The following RORA variants were observed in gnomAD, a reference collection of about 807,000 sequenced individuals.
The protein encoded by RORA is RAR related orphan receptor A.
In RORA, 7 loss-of-function variants were observed where a neutral mutation model predicts 69.5. The ratio of observed to expected loss-of-function variants is 0.10; its 90% CI spans 0.06 to 0.19. The LOEUF (loss-of-function observed/expected upper bound fraction) is 0.19. RORA is among the 10% of genes least tolerant of loss of function. The pLI is 1.00. For missense variants in RORA, 457 were observed against 663.0 expected (o/e 0.69, Z 3.41); for synonymous variants, 261 against 240.8 (o/e 1.08, Z -0.78).
chr15:60,847,839 C>A (rs2056843375), intron 1 of RORA: 1 of 152,226 alleles, frequency 6.6e-6, no homozygotes. Flanking sequence ...AACATCTAAA[C>A]TGACAAATCT....
rs144683989 is a variant in RORA at position 60,758,710 on chromosome 15, C to T, written c.167-80024G>A. 3.5e-3 allele frequency among the ~76,000 whole-genome samples: 527 copies of T among 152,224 alleles called. 3 individuals carry two copies. Among genetic ancestry groups the T allele is most frequent in the African/African-American group, 0.012 (488 of 41,546 alleles). On this transcript the variant is annotated intron_variant, in intron 1 of 10. Coordinates refer to ENST00000335670, the MANE Select transcript of RORA (RefSeq NM_134261.3). ...GTCTCTCTCATTTTTTCCCTGCCAT[C>T]GGTACATAAGAAAAGAATACTTTCT...
At chr15:60,873,650 A>T (rs182712896) in intron 1 of RORA, among the ~76,000 whole-genome samples, 31 of 152,278 alleles carry the variant, frequency 2.0e-4, no homozygotes, top group Admixed American at 3.3e-4. Context: ...GACTATACAA[A>T]CTTAGGGGGG....
intron 1 of RORA, among the ~76,000 whole-genome samples, chr15:61,030,438 T>C (rs541777611): frequency 6.6e-6 from 1 of 152,296 alleles, no homozygotes; most frequent in South Asian, 2.1e-4. Flanking sequence ...GAAAATTAAG[T>C]TTATCTGTAC....
chr15:60,929,756 AGT>A (rs1331915433), intron 1 of RORA, among the ~76,000 whole-genome samples: 1 of 152,138 alleles, frequency 6.6e-6, no homozygotes, highest in Non-Finnish European at 1.5e-5. Flanking sequence ...CTCATCCTGA[AGT>A]GTGAGTTTGC....
intron 2 of RORA, among the ~76,000 whole-genome samples, chr15:60,579,574 A>G (rs1377712710): frequency 1.3e-5 from 2 of 152,240 alleles, no homozygotes; most frequent in Non-Finnish European, 2.9e-5. Flanking sequence ...AAAACTAGCT[A>G]TTCTAACATG....
At chr15:61,066,507 A>G (rs1338955350) in intron 1 of RORA, among the ~76,000 whole-genome samples, 1 of 146,070 alleles carries the variant, frequency 6.8e-6, no homozygotes, top group African/African-American at 2.6e-5. Context: ...GCTCACTGCA[A>G]CCTCCACCTC....
chr15:60,581,255 G>A (rs944008160), intron 2 of RORA, among the ~76,000 whole-genome samples: 9 of 152,108 alleles, frequency 5.9e-5, no homozygotes, highest in Admixed American at 3.9e-4. Flanking sequence ...AGCAGCAGGG[G>A]GCTTAGAAAG....
At chr15:61,011,563 G>GA (rs1299805258) in intron 1 of RORA, among the ~76,000 whole-genome samples, 5 of 152,006 alleles carry the variant, frequency 3.3e-5, no homozygotes, top group African/African-American at 1.2e-4. Flanking sequence ...TTTCTCAAGG[G>GA]AGATATTGGC....
intron 6 of RORA, among the ~76,000 whole-genome samples, chr15:60,504,697 C>T (rs1450529336): frequency 6.6e-6 from 1 of 152,198 alleles, no homozygotes; most frequent in Admixed American, 6.5e-5. Context: ...TTACCTGCTA[C>T]CTCAAAGGCA....
chr15:60,838,418 C>A (rs1264194348), intron 1 of RORA, among the ~76,000 whole-genome samples: 1 of 152,122 alleles, frequency 6.6e-6, no homozygotes, highest in Admixed American at 6.5e-5. Context: ...CCACCTGCCC[C>A]ACTGAGGGTA....
chr15:60,577,520 T>C (rs1215016443), intron 2 of RORA, among the ~76,000 whole-genome samples: 1 of 151,936 alleles, frequency 6.6e-6, no homozygotes, highest in Non-Finnish European at 1.5e-5. Context: ...GGTGCGTGTC[T>C]GTAATGTCAG....
chr15:60,624,047 G>T (rs964726363), intron 2 of RORA, among the ~76,000 whole-genome samples: 2 of 151,836 alleles, frequency 1.3e-5, no homozygotes, highest in Non-Finnish European at 2.9e-5. Flanking sequence ...AAAGGGTGGG[G>T]AGGCCTATGG....
chr15:60,846,734 G>A (rs1384067793), intron 1 of RORA, among the ~76,000 whole-genome samples: 1 of 152,222 alleles, frequency 6.6e-6, no homozygotes, highest in African/African-American at 2.4e-5. Flanking sequence ...GAAACTCGGG[G>A]CCAGCCCATC....
Position 60,828,480 on chromosome 15 carries a change from G to A in RORA, c.167-149794C>T, listed in dbSNP as rs544856059. Among the ~76,000 whole-genome samples, 63 of 152,260 alleles carry A rather than the reference G, an allele frequency of 4.1e-4. 1 individual carries two copies. Among genetic ancestry groups the A allele is most frequent in the Admixed American group, 3.7e-3 (57 of 15,294 alleles). ...AAAGTCTGGATTTAGCTACAGTGTG[G>A]GGGTCTGTTCATTTCCAGCATCTCT... is the stretch of plus-strand genomic sequence containing the variant. On this transcript the variant is annotated intron_variant, in intron 1 of 10. Transcript: ENST00000335670.
intron 1 of RORA, among the ~76,000 whole-genome samples, chr15:60,706,648 A>C (rs13329238): frequency 0.4 from 61,403 of 151,968 alleles, 12,708 homozygotes; most frequent in Middle Eastern, 0.49. Flanking sequence ...TCCATGGGCC[A>C]AATTCAGCTT....
intron 2 of RORA, among the ~76,000 whole-genome samples, chr15:60,658,834 GA>G (rs1567144571): frequency 6.6e-6 from 1 of 152,112 alleles, no homozygotes; most frequent in Non-Finnish European, 1.5e-5. Context: ...GTGATGTTTG[GA>G]ATTTCACCTT....
chr15:60,558,324 G>A, intron 2 of RORA: 1 of 1,571,606 alleles, frequency 6.4e-7, no homozygotes, highest in Non-Finnish European at 8.8e-7. Context: ...GAAAATGATA[G>A]CCTATCTCAA....
chr15:60,975,798 T>A (rs916216678), intron 1 of RORA, among the ~76,000 whole-genome samples: 3 of 152,230 alleles, frequency 2.0e-5, no homozygotes, highest in Admixed American at 1.3e-4. Flanking sequence ...GATTCTTACA[T>A]GCTTGACATG....
At chr15:60,769,331 C>T (rs1479146281) in intron 1 of RORA, among the ~76,000 whole-genome samples, 1 of 152,120 alleles carries the variant, frequency 6.6e-6, no homozygotes, top group African/African-American at 2.4e-5. Context: ...CTTTTTGTCT[C>T]GTCTTTATTC....
Sources: allele counts gnomAD v4.1 joint callset (sites outside exome capture counted in the v4.1 genomes callset), GRCh38; gene constraint gnomAD v4.1.1; transcripts MANE v1.5; gene names NCBI Gene and HGNC (gene_info 2026-07-23, HGNC 2026-07-21).